ZNF318: variants seen among roughly 807,000 people sequenced by gnomAD.
ZNF318 encodes the protein endocrine regulator.
Under a neutral mutation model 124.2 loss-of-function variants are expected in ZNF318, and 51 were observed. The observed-to-expected ratio is 0.41, with a 90% CI of 0.33 to 0.52. ZNF318 has a LOEUF of 0.52. ZNF318 is among the 20% of genes least tolerant of loss of function. ZNF318 has a pLI of 0.23. For synonymous variants in ZNF318, 1,090 were observed against 1,040.7 expected (o/e 1.05, Z -0.91); for missense variants, 2,815 against 2,811.2 (o/e 1.00, Z -0.03).
chr6:43,362,518 C>CTTTTTTT lies in ZNF318; in HGVS notation c.548+2767_548+2773dup, dbSNP rs1180416139. On this transcript the variant is annotated intron_variant, in intron 2 of 9. Transcript: ENST00000361428. The stretch of plus-strand genomic sequence containing the variant: ...AAAAAATAAACATCTACATACACGT[C>CTTTTTTT]TTTTTTTTTTTTTTTTTTTTTTTGA... Among the ~76,000 whole-genome samples, 25 of 80,926 alleles carry CTTTTTTT rather than the reference C, an allele frequency of 3.1e-4. 1 individual carries two copies. The highest frequency in any genetic ancestry group is 4.0e-4 in the Admixed American group (2 of 4,984). The allele number at this position is 80,926 out of a possible 152,430, so 53.1% of individuals were successfully genotyped here.
chr6:43,354,358 T>C (rs780817697), intron 4 of ZNF318, among the ~76,000 whole-genome samples: 1 of 152,182 alleles, frequency 6.6e-6, no homozygotes, highest in Non-Finnish European at 1.5e-5. Context: ...TACGAAATCA[T>C]ATTGAAGACT....
At chr6:43,350,078 C>T (rs1013401601) in intron 5 of ZNF318, among the ~76,000 whole-genome samples, 8 of 152,000 alleles carry the variant, frequency 5.3e-5, no homozygotes, top group Non-Finnish European at 1.0e-4. Context: ...GGTGAAACCC[C>T]GTCTCTACTA....
chr6:43,348,377 T>C lies in ZNF318; in HGVS notation c.3019A>G (p.Lys1007Glu), dbSNP rs973512324. 1 of 1,613,380 alleles carries C rather than the reference T, an allele frequency of 6.2e-7. No individual in the cohort carries two copies. Among genetic ancestry groups the C allele is most frequent in the Non-Finnish European group, 8.5e-7 (1 of 1,179,876 alleles). Residue 1007 changes from lysine to glutamate, a missense_variant, in exon 6 of 10, where the codon AAA (lysine) becomes GAA (glutamate). Coordinates refer to ENST00000361428, the MANE Select transcript of ZNF318 (RefSeq NM_014345.3). ...GACACTTTTTCTGGGCTCTTAGATTTTTCTGCTTTCCCAGGCTTCTCTGTA... is the reference window on the plus strand; with the variant it reads ...GACACTTTTTCTGGGCTCTTAGATTCTTCTGCTTTCCCAGGCTTCTCTGTA... ...EPTEKPGKAE[K>E]SKSPEKVSSF...
At chr6:43,343,040 C>T (rs1779392408) in intron 6 of ZNF318, among the ~76,000 whole-genome samples, 161 bp from the exon 7 acceptor site, 1 of 152,214 alleles carries the variant, frequency 6.6e-6, no homozygotes, top group Non-Finnish European at 1.5e-5. Flanking sequence ...AGAAACATGT[C>T]TCTAAGACAT....
Position 43,355,383 on chromosome 6 carries a change from G to T in ZNF318, c.1951C>A (p.Arg651Ser). Residue 651 changes from arginine to serine, a missense_variant, in exon 4 of 10, where the codon CGC (arginine) becomes AGC (serine). Arg to Ser is a moderately radical substitution (Grantham distance 110). This residue lies in a region of ZNF318 where 1,377 missense variants were observed against 1,353.5 expected (regional missense o/e 1.02). Transcript: ENST00000361428. Reference sequence around the variant, plus strand: ...GAGGAACAGCGGTCAGCTGAGAAGCGGTGGTCAACTGAGGAACAGTGGTCA... The same window carrying T: ...GAGGAACAGCGGTCAGCTGAGAAGCTGTGGTCAACTGAGGAACAGTGGTCA... Reference protein sequence around the residue: ...SADHCSSVDHRFSADRCSSVD... With the variant: ...SADHCSSVDHSFSADRCSSVD... The T allele has an allele frequency of 6.2e-7, 1 of 1,614,098 alleles. No individual in the cohort carries two copies.
intron 6 of ZNF318, among the ~76,000 whole-genome samples, chr6:43,346,640 A>G (rs1779451419): frequency 6.6e-6 from 1 of 152,134 alleles, no homozygotes; most frequent in Admixed American, 6.5e-5. Flanking sequence ...AGTGCTAAAG[A>G]AGGCTGACTA....
intron 2 of ZNF318, among the ~76,000 whole-genome samples, chr6:43,359,907 T>G (rs527954979): frequency 6.6e-6 from 1 of 152,322 alleles, no homozygotes; most frequent in South Asian, 2.1e-4. Flanking sequence ...CCAAGGATGA[T>G]TTCTGAAATC....
chr6:43,364,684 T>G (rs1779736010), intron 2 of ZNF318, among the ~76,000 whole-genome samples: 2 of 152,256 alleles, frequency 1.3e-5, no homozygotes, highest in Non-Finnish European at 2.9e-5. Context: ...TATATATGGT[T>G]AAGTTCCTAG....
At chr6:43,343,363 T>C (rs2150750010) in intron 6 of ZNF318, among the ~76,000 whole-genome samples, 1 of 152,160 alleles carries the variant, frequency 6.6e-6, no homozygotes, top group Non-Finnish European at 1.5e-5. Context: ...AGAAAATAGG[T>C]GATAGTGAAC....
chr6:43,359,567 G>A (rs892531820), intron 2 of ZNF318, among the ~76,000 whole-genome samples: 7 of 152,200 alleles, frequency 4.6e-5, no homozygotes, highest in African/African-American at 1.4e-4. Flanking sequence ...GTAACTATTA[G>A]TGTCTTCTAC....
chr6:43,351,113 C>A lies in ZNF318; in HGVS notation c.2770+1264G>T, dbSNP rs375070529. ...TGATAGTCTCGCCAAAAATGAATAA[C>A]CTGAATTTAATCATAAGGAAACAGA... is the stretch of plus-strand genomic sequence containing the variant. On this transcript the variant is annotated intron_variant, in intron 5 of 9. Transcript: ENST00000361428. Among the ~76,000 whole-genome samples, 49 of 152,206 alleles carry A rather than the reference C, an allele frequency of 3.2e-4. 1 individual carries two copies. In the East Asian group the frequency reaches 7.1e-3, roughly 22 times the overall value.
intron 5 of ZNF318, among the ~76,000 whole-genome samples, chr6:43,351,518 T>A (rs1185637295): frequency 6.6e-6 from 1 of 152,166 alleles, no homozygotes; most frequent in East Asian, 1.9e-4. Flanking sequence ...CTCAGCACTC[T>A]GGGAGGCCGA....
intron 2 of ZNF318, among the ~76,000 whole-genome samples, chr6:43,360,786 G>A (rs750106923): frequency 1.5e-4 from 23 of 151,984 alleles, no homozygotes; most frequent in South Asian, 4.2e-4. Flanking sequence ...CTACAAACAC[G>A]GATGAACCTT....
At chr6:43,361,309 A>T (rs1018965141) in intron 2 of ZNF318, among the ~76,000 whole-genome samples, 4 of 152,232 alleles carry the variant, frequency 2.6e-5, no homozygotes, top group African/African-American at 4.8e-5. Flanking sequence ...TCACACCTGT[A>T]ATCTTAGCAC....
Position 43,340,094 on chromosome 6 carries a change from C to T in ZNF318, c.3904G>A (p.Glu1302Lys). ...CCATCCTCTTTGTCCTTACTACTTT[C>T]TAGAATCTCTTCTTTAGAGATACTT... is the stretch of plus-strand genomic sequence containing the variant. ...TPSISKEEILESSKDKEDGKT... is the reference protein window; with the variant it reads ...TPSISKEEILKSSKDKEDGKT... Residue 1302 changes from glutamate (E) to lysine (K), a missense_variant, in exon 10 of 10, where the codon GAA becomes AAA. By Grantham distance (56) the Glu-to-Lys change is moderately conservative. Transcript: ENST00000361428. 6.2e-7 allele frequency: 1 copy of T among 1,614,168 alleles called. No homozygotes were observed. The highest frequency in any genetic ancestry group is 1.1e-5 in the South Asian group (1 of 91,086).
rs527632338 is a variant in ZNF318 at position 43,350,662 on chromosome 6, CA to C, written c.2770+1714del. Among the ~76,000 whole-genome samples, 930 of 142,848 alleles carry C rather than the reference CA, an allele frequency of 6.5e-3. 3 individuals carry two copies. Among genetic ancestry groups the C allele is most frequent in the Non-Finnish European group, 0.011 (698 of 65,082 alleles). The allele number at this position is 142,848 out of a possible 152,430, so 93.7% of individuals were successfully genotyped here. ...AACATGGCAAAACCTTGTCTCTAGC[CA>C]AAAAAAAAAATTAGCCAGGCGTGGT... On this transcript the variant is annotated intron_variant, in intron 5 of 9. Coordinates refer to ENST00000361428, the MANE Select transcript of ZNF318 (RefSeq NM_014345.3).
chr6:43,365,245 T>C (rs1235932580), intron 2 of ZNF318, 47 bp downstream of exon 2: 4 of 1,567,240 alleles, frequency 2.6e-6, no homozygotes, highest in Non-Finnish European at 3.5e-6. Context: ...GCAACATTTC[T>C]GCCTTCAAGT....
At position 43,339,369 on chromosome 6, in the gene ZNF318, T is replaced by G; in HGVS notation, c.4629A>C (p.Ser1543=). The part of the protein sequence containing the change: ...SVLVRPPPPL[S]SVFSEQAKKL... ...TTTTGGCTTGTTCACTGAACACACT[T>G]GAGAGGGGTGGTGGAGGACGTACTA... The change falls in exon 10 of 10, where the codon TCA becomes TCC. Residue 1543 remains serine, a synonymous_variant. Transcript: ENST00000361428. The surrounding 1 kb of genome is among the most constrained non-coding windows in gnomAD (Gnocchi z 4.2). 1.2e-6 allele frequency: 2 copies of G among 1,614,114 alleles called. No homozygotes were observed. Among genetic ancestry groups the G allele is most frequent in the African/African-American group, 1.3e-5 (1 of 75,020 alleles).
intron 6 of ZNF318, among the ~76,000 whole-genome samples, chr6:43,344,852 ATAAAT>A: frequency 6.6e-6 from 1 of 151,660 alleles, no homozygotes; most frequent in East Asian, 1.9e-4. Context: ...GGTATTAATA[ATAAAT>A]TAATGTATTT....
Sources: allele counts gnomAD v4.1 joint callset (sites outside exome capture counted in the v4.1 genomes callset), GRCh38; gene constraint gnomAD v4.1.1; regional missense constraint gnomAD v4.1.1; non-coding constraint Gnocchi (gnomAD v3.1); transcripts MANE v1.5; gene names NCBI Gene and HGNC (gene_info 2026-07-23, HGNC 2026-07-21).